CRISPLD2: variants seen among roughly 807,000 people sequenced by gnomAD.
The protein encoded by CRISPLD2 is cysteine rich secretory protein LCCL domain containing 2.
A neutral mutation model predicts 71.1 loss-of-function variants in CRISPLD2; 47 were observed. The ratio of observed to expected loss-of-function variants is 0.66; its 90% CI spans 0.52 to 0.84. The LOEUF (loss-of-function observed/expected upper bound fraction) is 0.84. Ranked by LOEUF, CRISPLD2 falls within the 40% of genes least tolerant of loss-of-function variation. The probability of loss-of-function intolerance (pLI) is 0.00; values close to 1 mark genes in which losing one functional copy is unlikely to be tolerated. For synonymous variants in CRISPLD2, 317 were observed against 250.1 expected (o/e 1.27, Z -2.52); for missense variants, 830 against 651.1 (o/e 1.27, Z -2.99).
At chr16:84,895,968 A>G (rs1484011894) in intron 14 of CRISPLD2, among the ~76,000 whole-genome samples, 1 of 151,984 alleles carries the variant, frequency 6.6e-6, no homozygotes, top group Non-Finnish European at 1.5e-5. Context: ...CTAAACCTGT[A>G]CCTGTCTAAC....
At chr16:84,875,918 A>G (rs1011159286) in intron 11 of CRISPLD2, among the ~76,000 whole-genome samples, 1 of 151,958 alleles carries the variant, frequency 6.6e-6, no homozygotes, top group Non-Finnish European at 1.5e-5. Context: ...TGATCTCCCC[A>G]TTGAATAGAA....
intron 13 of CRISPLD2, among the ~76,000 whole-genome samples, chr16:84,883,194 C>A (rs1307628375): frequency 6.6e-6 from 1 of 152,214 alleles, no homozygotes; most frequent in Non-Finnish European, 1.5e-5. Flanking sequence ...GTGAGAGGTT[C>A]TTTTCTGGCC....
chr16:84,854,081 C>T (rs889615727), intron 5 of CRISPLD2, among the ~76,000 whole-genome samples: 4 of 152,224 alleles, frequency 2.6e-5, no homozygotes, highest in African/African-American at 4.8e-5. Flanking sequence ...TTGATCCAGC[C>T]CCTAGAGTAG....
At chr16:84,872,823 C>T (rs957211448) in intron 9 of CRISPLD2, among the ~76,000 whole-genome samples, 169 bp from the exon 10 acceptor site, 2 of 152,128 alleles carry the variant, frequency 1.3e-5, no homozygotes, top group Non-Finnish European at 2.9e-5. Flanking sequence ...TAAGCAACCC[C>T]AGGAACAAAT....
At chr16:84,837,501 C>T (rs1490698218) in intron 1 of CRISPLD2, among the ~76,000 whole-genome samples, 2 of 151,846 alleles carry the variant, frequency 1.3e-5, no homozygotes, top group Non-Finnish European at 2.9e-5. Flanking sequence ...ACTGCAAGCT[C>T]CGCCTCCCGG....
intron 7 of CRISPLD2, among the ~76,000 whole-genome samples, chr16:84,868,523 C>T (rs1357963091): frequency 6.6e-6 from 1 of 152,214 alleles, no homozygotes; most frequent in Non-Finnish European, 1.5e-5. Flanking sequence ...GTGTGCCAGG[C>T]ACCCTGCCAA....
intron 13 of CRISPLD2, among the ~76,000 whole-genome samples, chr16:84,884,340 G>A (rs896646233): frequency 7.2e-5 from 11 of 152,092 alleles, no homozygotes; most frequent in East Asian, 3.9e-4. Flanking sequence ...ACACCTACCC[G>A]GCAGAGTTAC....
intron 14 of CRISPLD2, among the ~76,000 whole-genome samples, chr16:84,896,866 T>C (rs145551898): frequency 2.1e-3 from 326 of 152,246 alleles, no homozygotes; most frequent in African/African-American, 7.6e-3. Flanking sequence ...CACTCAGGGG[T>C]TCCTCTTCTG....
At chr16:84,906,538 G>A (rs764307260) in intron 14 of CRISPLD2, 50 bp from the exon 15 acceptor site, 12 of 1,600,406 alleles carry the variant, frequency 7.5e-6, no homozygotes, top group Non-Finnish European at 9.4e-6. Flanking sequence ...GTCCCTGCAG[G>A]AGGCCCTCCA....
intron 8 of CRISPLD2, among the ~76,000 whole-genome samples, chr16:84,871,870 GAAAAA>G (rs56328159): frequency 0.1 from 10,018 of 99,934 alleles, 1,054 homozygotes; most frequent in East Asian, 0.15. Context: ...TTTCAAATGA[GAAAAA>G]AAAAAAAAAA....
chr16:84,849,134 G>A, intron 3 of CRISPLD2: 1 of 492,718 alleles, frequency 2.0e-6, no homozygotes, highest in Non-Finnish European at 3.7e-6. Flanking sequence ...TGTACCAGGT[G>A]CTGCTGGAAT....
intron 2 of CRISPLD2, 49 bp downstream of exon 2, chr16:84,838,784 G>A (rs781328024): frequency 1.3e-6 from 2 of 1,570,302 alleles, no homozygotes; most frequent in Non-Finnish European, 8.6e-7. Flanking sequence ...GTGGGGCCTG[G>A]GCCACCAGCC....
chr16:84,854,959 C>T, intron 6 of CRISPLD2, 130 bp downstream of exon 6: 1 of 715,106 alleles, frequency 1.4e-6, no homozygotes, highest in South Asian at 1.6e-5. Context: ...ACGCTCTCAG[C>T]ACATTCCTCC....
chr16:84,906,374 A>G (rs773637845), intron 14 of CRISPLD2, among the ~76,000 whole-genome samples: 2 of 152,172 alleles, frequency 1.3e-5, no homozygotes, highest in East Asian at 1.9e-4. Flanking sequence ...CTAGAATCAG[A>G]TGGATGCTCA....
chr16:84,889,783 T>C (rs1481063059), intron 14 of CRISPLD2, among the ~76,000 whole-genome samples: 1 of 151,502 alleles, frequency 6.6e-6, no homozygotes, highest in African/African-American at 2.4e-5. Flanking sequence ...TGTGTGTGTG[T>C]GTGTGTGCAT....
At chr16:84,837,712 C>T (rs913658119) in intron 1 of CRISPLD2, among the ~76,000 whole-genome samples, 17 of 152,328 alleles carry the variant, frequency 1.1e-4, no homozygotes, top group Non-Finnish European at 1.8e-4. Flanking sequence ...CCACCGCCCC[C>T]GGCCAGCCAC....
intron 14 of CRISPLD2, among the ~76,000 whole-genome samples, chr16:84,899,769 G>A (rs75164570): frequency 4.6e-5 from 7 of 152,150 alleles, no homozygotes; most frequent in Non-Finnish European, 1.0e-4. Flanking sequence ...ACATCTGGAC[G>A]GCAGCCTGAA....
intron 11 of CRISPLD2, among the ~76,000 whole-genome samples, chr16:84,875,414 C>CTTTTTTTTTTTTTTTGTTTTT (rs2071509414): frequency 1.1e-5 from 1 of 87,772 alleles, no homozygotes; most frequent in African/African-American, 5.6e-5. Context: ...TATGCATGGA[C>CTTTTTTTTTTTTTTTGTTTTT]TTTTTTTTTT....
At chr16:84,825,419 T>C (rs1394919287) in intron 1 of CRISPLD2, among the ~76,000 whole-genome samples, 2 of 152,094 alleles carry the variant, frequency 1.3e-5, no homozygotes, top group Admixed American at 6.5e-5. Flanking sequence ...AAAAATTAGC[T>C]GGTGTCCTCT....
Sources: gnomAD v4.1 joint callset for allele counts (sites outside exome capture counted in the v4.1 genomes callset) on GRCh38, gnomAD v4.1.1 for gene constraint, MANE v1.5 for transcripts, NCBI Gene and HGNC (gene_info 2026-07-23, HGNC 2026-07-21) for gene names.